KIDINS220: variants seen among roughly 807,000 people sequenced by gnomAD.
The protein encoded by KIDINS220 is kinase D interacting substrate 220.
A neutral mutation model predicts 157.6 loss-of-function variants in KIDINS220; 63 were observed. That is an observed-to-expected ratio of 0.40 (90% CI 0.33 to 0.49). The LOEUF (loss-of-function observed/expected upper bound fraction) is 0.49, where lower values mean the gene tolerates loss of function less well. Ranked by LOEUF, KIDINS220 falls within the 20% of genes least tolerant of loss-of-function variation. The pLI is 0.66. For synonymous variants in KIDINS220, 732 were observed against 783.6 expected (o/e 0.93, Z 1.10); for missense variants, 1,772 against 2,171.2 (o/e 0.82, Z 3.65).
At chr2:8,828,268 C>T (rs554957746) in intron 1 of KIDINS220, among the ~76,000 whole-genome samples, 3 of 152,280 alleles carry the variant, frequency 2.0e-5, no homozygotes, top group South Asian at 4.2e-4. Context: ...GACATGCACA[C>T]GGCTTACCCC....
intron 22 of KIDINS220, among the ~76,000 whole-genome samples, chr2:8,768,034 T>C (rs1249534415): frequency 3.3e-5 from 5 of 152,186 alleles, no homozygotes; most frequent in African/African-American, 4.8e-5. Context: ...GGGTAAAAGA[T>C]TGACTGAGCA....
chr2:8,770,817 G>C lies in KIDINS220; in HGVS notation c.2864C>G (p.Ala955Gly), dbSNP rs749686835. ...IVSVTGRLLR[A>G]NQISFNWDRL... The stretch of plus-strand genomic sequence containing the variant: ...GTCCCAGTTGAAACTAATCTGATTG[G>C]CTCTCAGTAATCGTCCTTTTAAAAA... The change falls in exon 22 of 30, where the codon GCC becomes GGC. Residue 955 changes from alanine to glycine, a missense_variant. Physicochemically the swap from Ala to Gly is moderately conservative, Grantham distance 60. This residue lies in a region of KIDINS220 where 725 missense variants were observed against 1,017.1 expected (regional missense o/e 0.71). Transcript: ENST00000256707. The C allele has an allele frequency of 5.6e-6, 9 of 1,598,122 alleles. No individual in the cohort carries two copies. The highest frequency in any genetic ancestry group is 6.0e-6 in the Non-Finnish European group (7 of 1,173,248).
At position 8,754,973 on chromosome 2, in the gene KIDINS220, T is replaced by C. The variant is rs367672432; in HGVS notation, c.3012-3329A>G. ...GCCTTGAAACAAATTTAACTTCTAA[T>C]AGACTCTCAAATACTTTCTACCAGT... On this transcript the variant is annotated intron_variant, in intron 22 of 29. Coordinates refer to ENST00000256707, the MANE Select transcript of KIDINS220 (RefSeq NM_020738.4). Among the ~76,000 whole-genome samples the C allele has an allele frequency of 2.5e-4, 38 of 152,340 alleles. 1 individual carries two copies. The South Asian group carries it at 7.9e-3, about 32-fold the overall frequency.
intron 10 of KIDINS220, 128 bp from the exon 11 acceptor site, chr2:8,796,997 C>T (rs1674043933): frequency 4.1e-6 from 3 of 724,754 alleles, no homozygotes; most frequent in Admixed American, 2.4e-5. Context: ...CTCAAGAAAA[C>T]ATAAAAGCTA....
Position 8,736,901 on chromosome 2 carries a change from A to G in KIDINS220, c.3684T>C (p.Ser1228=). Residue 1228 remains serine, a synonymous_variant, in exon 27 of 30, where the codon AGT becomes AGC. Coordinates refer to ENST00000256707, the MANE Select transcript of KIDINS220 (RefSeq NM_020738.4). ...TCGTGGTACAATACTGAGGCAGCAT[A>G]CTCTGGTCCAGCCCTTCTATTTGTT... ...KLKQIEGLDQ[S]MLPQYCTTIK... is the part of the protein sequence containing the mutation. The G allele has an allele frequency of 6.2e-7, 1 of 1,614,146 alleles. No homozygotes were observed. Among genetic ancestry groups the G allele is most frequent in the South Asian group, 1.1e-5 (1 of 91,080 alleles).
intron 14 of KIDINS220, among the ~76,000 whole-genome samples, chr2:8,789,306 G>C (rs1454516403): frequency 2.5e-5 from 1 of 40,228 alleles, no homozygotes; most frequent in African/African-American, 8.1e-5. Flanking sequence ...TTTTTTTTTT[G>C]AGATGGAGTC....
At chr2:8,814,505 G>A (rs1338964790) in intron 4 of KIDINS220, among the ~76,000 whole-genome samples, 5 of 152,156 alleles carry the variant, frequency 3.3e-5, no homozygotes, top group Non-Finnish European at 7.4e-5. Context: ...GACAGATAGA[G>A]TAGGGTGTGG....
intron 6 of KIDINS220, among the ~76,000 whole-genome samples, chr2:8,810,879 C>A (rs1179165319): frequency 6.6e-6 from 1 of 152,178 alleles, no homozygotes; most frequent in Non-Finnish European, 1.5e-5. Flanking sequence ...AGTACAAATG[C>A]AATATTCTTA....
chr2:8,790,665 T>G (rs938546751), intron 13 of KIDINS220, among the ~76,000 whole-genome samples: 8 of 152,042 alleles, frequency 5.3e-5, no homozygotes, highest in African/African-American at 1.9e-4. Flanking sequence ...GTTGGGTGGG[T>G]GGTAGTGAGG....
downstream of KIDINS220, chr2:8,723,017 C>T (rs972366141): frequency 6.6e-6 from 1 of 152,236 alleles, no homozygotes; most frequent in Non-Finnish European, 1.5e-5. Context: ...ACAAAGTAAA[C>T]TTAAGAGATG....
chr2:8,730,529 A>T lies in KIDINS220; in HGVS notation c.*191T>A. 6.3e-6 allele frequency: 9 copies of T among 1,426,760 alleles called. No homozygotes were observed. Among genetic ancestry groups the T allele is most frequent in the Non-Finnish European group, 8.2e-6 (9 of 1,097,734 alleles). The allele number at this position is 1,426,760 out of a possible 1,614,324, so 88.4% of individuals were successfully genotyped here. A position where few individuals can be genotyped will look rare whatever the true frequency, so the allele number is the denominator to read the frequency against. Reference sequence around the variant, plus strand: ...AAGCTTCTAATTACAAAGACCACAGAGGCTGGCTGGTGAGCCATGCTTCTC... The same window carrying T: ...AAGCTTCTAATTACAAAGACCACAGTGGCTGGCTGGTGAGCCATGCTTCTC... On this transcript the variant is annotated 3_prime_UTR_variant, in exon 30 of 30. Coordinates refer to ENST00000256707, the MANE Select transcript of KIDINS220 (RefSeq NM_020738.4).
chr2:8,786,443 C>T (rs144085899), intron 15 of KIDINS220, 86 bp from the exon 16 acceptor site: 3 of 1,053,174 alleles, frequency 2.8e-6, no homozygotes, highest in South Asian at 3.0e-5. Flanking sequence ...ATCACTTACC[C>T]TTTATTTTCT....
chr2:8,783,306 G>A (rs1206858518), intron 17 of KIDINS220, among the ~76,000 whole-genome samples: 1 of 151,962 alleles, frequency 6.6e-6, no homozygotes, highest in East Asian at 1.9e-4. Flanking sequence ...GAAACTCTCA[G>A]TAAACTAGAA....
At chr2:8,736,439 T>C (rs1664869396) in intron 27 of KIDINS220, among the ~76,000 whole-genome samples, 2 of 152,186 alleles carry the variant, frequency 1.3e-5, no homozygotes, top group South Asian at 4.1e-4. Flanking sequence ...AAATGAGAAT[T>C]TGGAGAAAAT....
At chr2:8,789,780 C>A in intron 14 of KIDINS220, 100 bp downstream of exon 14, 1 of 915,466 alleles carries the variant, frequency 1.1e-6, no homozygotes, top group Non-Finnish European at 1.6e-6. Context: ...ATGAAAATCA[C>A]ATACAGGTTT....
intron 26 of KIDINS220, among the ~76,000 whole-genome samples, chr2:8,746,092 C>T (rs1666520195): frequency 6.7e-6 from 1 of 148,786 alleles, no homozygotes; most frequent in Admixed American, 6.7e-5. Flanking sequence ...AGTACGAAGT[C>T]TTATACAGTA....
At chr2:8,762,342 G>A (rs1668853579) in intron 22 of KIDINS220, among the ~76,000 whole-genome samples, 1 of 152,134 alleles carries the variant, frequency 6.6e-6, no homozygotes, top group African/African-American at 2.4e-5. Flanking sequence ...ACATGACTTT[G>A]GAACACTTAA....
intron 12 of KIDINS220, among the ~76,000 whole-genome samples, chr2:8,792,170 T>C (rs569787114): frequency 1.1e-4 from 16 of 152,136 alleles, no homozygotes; most frequent in Non-Finnish European, 1.9e-4. Context: ...GAAGGAAATA[T>C]AGGAAAAACT....
chr2:8,832,457 C>T (rs988903063), intron 1 of KIDINS220, among the ~76,000 whole-genome samples: 1 of 152,162 alleles, frequency 6.6e-6, no homozygotes, highest in African/African-American at 2.4e-5. Flanking sequence ...TGTTTAAGAG[C>T]ACGTGTGTAG....
Sources: allele counts gnomAD v4.1 joint callset (sites outside exome capture counted in the v4.1 genomes callset), GRCh38; gene constraint gnomAD v4.1.1; regional missense constraint gnomAD v4.1.1; transcripts MANE v1.5; gene names NCBI Gene and HGNC (gene_info 2026-07-23, HGNC 2026-07-21).